ANK3: variants seen among roughly 807,000 people sequenced by gnomAD.
The protein encoded by ANK3 is ankyrin-3.
Under a neutral mutation model 370.9 loss-of-function variants are expected in ANK3, and 57 were observed. The ratio of observed to expected loss-of-function variants is 0.15; its 90% CI spans 0.12 to 0.19. ANK3 has a LOEUF of 0.19. ANK3 is among the 10% of genes least tolerant of loss of function. The pLI, the probability that ANK3 is intolerant of heterozygous loss-of-function variation, is 1.00. For missense variants in ANK3, 4,439 were observed against 5,302.1 expected (o/e 0.84, Z 5.06); for synonymous variants, 1,929 against 1,946.3 (o/e 0.99, Z 0.23).
At position 60,072,810 on chromosome 10, in the gene ANK3, C is replaced by T. The variant is rs1445693558; in HGVS notation, c.8071G>A (p.Ala2691Thr). 1 of 1,614,004 alleles carries T rather than the reference C, an allele frequency of 6.2e-7. No individual in the cohort carries two copies. Among genetic ancestry groups the T allele is most frequent in the Non-Finnish European group, 8.5e-7 (1 of 1,180,014 alleles). ...TTGCTCTGTGAAATACTTCCTTTGG[C>T]TTCCACTGTGGACTTGCTGTCCTCA... Reference protein sequence around the residue: ...QTEDSKSTVEAKGSISQSKAP... With the variant: ...QTEDSKSTVETKGSISQSKAP... Residue 2691 changes from alanine to threonine, a missense_variant, in exon 37 of 44, where the codon GCC becomes ACC. Physicochemically the swap from Ala to Thr is moderately conservative, Grantham distance 58 (BLOSUM62 0). This residue lies in a region of ANK3 where 1,601 missense variants were observed against 1,731.7 expected (regional missense o/e 0.92). Coordinates refer to ENST00000280772, the MANE Select transcript of ANK3 (RefSeq NM_020987.5).
In ANK3 at chr10:60,073,615, G is replaced by A. The variant is rs1371740336; in HGVS notation, c.7266C>T (p.Ser2422=). The change falls in exon 37 of 44, where the codon AGC becomes AGT. Residue 2422 remains serine (S), a synonymous_variant. Transcript: ENST00000280772. ...VNTPVSQEED[S]RPSSAQLISD... ...ATATGAGTTGAGCAGAACTAGGGCG[G>A]CTATCTTCTTCTTGGGACACAGGAG... The A allele has an allele frequency of 1.2e-6, 2 of 1,613,790 alleles. No homozygotes were observed. The highest frequency in any genetic ancestry group is 2.2e-5 in the East Asian group (1 of 44,862).
chr10:60,675,191 C>G (rs1291486787), intron 1 of ANK3, among the ~76,000 whole-genome samples: 1 of 152,156 alleles, frequency 6.6e-6, no homozygotes, highest in African/African-American at 2.4e-5. Context: ...TTTAAGTCAG[C>G]ATTGACAGGC....
intron 25 of ANK3, among the ~76,000 whole-genome samples, chr10:60,118,117 G>A (rs760494218): frequency 2.6e-5 from 4 of 152,154 alleles, no homozygotes; most frequent in Non-Finnish European, 5.9e-5. Context: ...CCAAGCACTC[G>A]TCTCTGGAAA....
chr10:60,159,817 C>T (rs1240726106), intron 23 of ANK3, among the ~76,000 whole-genome samples: 6 of 151,994 alleles, frequency 3.9e-5, no homozygotes, highest in African/African-American at 1.4e-4. Context: ...TCCTGAACGA[C>T]CATTATGTCA....
At chr10:60,646,792 A>G (rs1017238043) in intron 1 of ANK3, among the ~76,000 whole-genome samples, 4 of 152,214 alleles carry the variant, frequency 2.6e-5, no homozygotes, top group African/African-American at 9.6e-5. Flanking sequence ...GTAGAATGCT[A>G]TAAGCCAAGA....
chr10:60,318,154 T>C (rs181421193), intron 1 of ANK3, among the ~76,000 whole-genome samples: 1 of 152,326 alleles, frequency 6.6e-6, no homozygotes, highest in East Asian at 1.9e-4. Flanking sequence ...GTTTGTTATA[T>C]AGGTAAATGT....
At chr10:60,213,379 A>G (rs770412974) in intron 9 of ANK3, 33 bp downstream of exon 9, 1 of 1,437,388 alleles carries the variant, frequency 7.0e-7, no homozygotes, top group Non-Finnish European at 9.8e-7. Flanking sequence ...AAATAAATAC[A>G]GTCCAATGTC....
At chr10:60,414,751 GAA>G (rs1429191569) in intron 2 of ANK3, among the ~76,000 whole-genome samples, 1 of 152,076 alleles carries the variant, frequency 6.6e-6, no homozygotes, top group Non-Finnish European at 1.5e-5. Flanking sequence ...TTTTTTGGCT[GAA>G]GTCATAAAAA....
intron 25 of ANK3, among the ~76,000 whole-genome samples, chr10:60,119,827 C>T (rs1031357886): frequency 6.6e-6 from 1 of 152,028 alleles, no homozygotes; most frequent in African/African-American, 2.4e-5. Flanking sequence ...ATTCCATGTT[C>T]ATGGATTGGG....
intron 1 of ANK3, among the ~76,000 whole-genome samples, chr10:60,712,634 G>A (rs1564605157): frequency 6.6e-6 from 1 of 152,060 alleles, no homozygotes; most frequent in African/African-American, 2.4e-5. Flanking sequence ...AACACAAAGG[G>A]TTTAAATGCA....
chr10:60,628,011 T>C (rs928362452), intron 1 of ANK3, among the ~76,000 whole-genome samples: 4 of 152,190 alleles, frequency 2.6e-5, no homozygotes, highest in Admixed American at 6.5e-5. Context: ...CTCTGTTGCC[T>C]ACTGCTCAAA....
intron 23 of ANK3, among the ~76,000 whole-genome samples, chr10:60,150,738 C>A (rs534354140): frequency 6.6e-6 from 1 of 152,130 alleles, no homozygotes; most frequent in African/African-American, 2.4e-5. Context: ...TCCTGCTCCC[C>A]CTTCTCCTTC....
intron 2 of ANK3, among the ~76,000 whole-genome samples, chr10:60,473,749 G>A (rs2074979844): frequency 6.6e-6 from 1 of 152,096 alleles, no homozygotes; most frequent in South Asian, 2.1e-4. Context: ...TTAACTTAGG[G>A]AGGGTGAATG....
chr10:60,569,346 T>C (rs1401603839), intron 2 of ANK3, among the ~76,000 whole-genome samples: 1 of 152,196 alleles, frequency 6.6e-6, no homozygotes, highest in Non-Finnish European at 1.5e-5. Flanking sequence ...CCCCAGTAGC[T>C]GCCTCAGGTA....
intron 32 of ANK3, 184 bp downstream of exon 32, chr10:60,084,418 A>T (rs2086149371): frequency 3.2e-6 from 1 of 307,866 alleles, no homozygotes; most frequent in East Asian, 5.7e-5. Flanking sequence ...AAAAAAAAAA[A>T]TTAAATTAAA....
At chr10:60,694,636 C>A (rs1342543778) in intron 1 of ANK3, among the ~76,000 whole-genome samples, 2 of 152,044 alleles carry the variant, frequency 1.3e-5, no homozygotes, top group Non-Finnish European at 2.9e-5. Flanking sequence ...AATTTCATAT[C>A]CAGCAAAACT....
At chr10:60,217,484 C>T (rs1442629517) in intron 8 of ANK3, among the ~76,000 whole-genome samples, 1 of 152,090 alleles carries the variant, frequency 6.6e-6, no homozygotes, top group Non-Finnish European at 1.5e-5. Flanking sequence ...TTTCAAAGAA[C>T]TTCTTGATTT....
intron 23 of ANK3, among the ~76,000 whole-genome samples, chr10:60,147,121 C>T (rs972185005): frequency 1.3e-5 from 2 of 152,128 alleles, no homozygotes; most frequent in East Asian, 1.9e-4. Context: ...ATAAAAAGCA[C>T]GAGGTGGTGT....
chr10:60,431,320 A>G (rs539442861), intron 2 of ANK3, among the ~76,000 whole-genome samples: 3 of 152,282 alleles, frequency 2.0e-5, no homozygotes, highest in African/African-American at 7.2e-5. Flanking sequence ...GGGTTTGCTC[A>G]GTTCACAGTA....
Sources: gnomAD v4.1 joint callset for allele counts (sites outside exome capture counted in the v4.1 genomes callset) on GRCh38, gnomAD v4.1.1 for gene constraint, gnomAD v4.1.1 regional missense constraint, MANE v1.5 for transcripts, NCBI Gene and HGNC (gene_info 2026-07-23, HGNC 2026-07-21) for gene names.